GNAZ: variants seen among roughly 807,000 people sequenced by gnomAD.
GNAZ encodes the protein G protein subunit alpha z.
In GNAZ, 3 loss-of-function variants were observed where a neutral mutation model predicts 25.4. That is an observed-to-expected ratio of 0.12 (90% CI 0.05 to 0.30). GNAZ has a LOEUF of 0.30. Among genes scored for constraint, GNAZ ranks in the 10% least tolerant of loss-of-function variants. The probability of loss-of-function intolerance (pLI) is 1.00; values close to 1 mark genes in which losing one functional copy is unlikely to be tolerated. For missense variants in GNAZ, 241 were observed against 501.8 expected, an observed-to-expected ratio of 0.48 and a Z score of 4.97; for synonymous variants, 211 against 205.7, an observed-to-expected ratio of 1.03 and a Z score of -0.22.
chr22:23,083,713 A>G (rs1486582274), intron 1 of GNAZ, among the ~76,000 whole-genome samples: 1 of 152,172 alleles, frequency 6.6e-6, no homozygotes, highest in African/African-American at 2.4e-5. Context: ...AGGAGCCGGC[A>G]GCCCTGAGGC....
intron 1 of GNAZ, among the ~76,000 whole-genome samples, chr22:23,084,354 C>A (rs2068759700): frequency 6.6e-6 from 1 of 152,182 alleles, no homozygotes; most frequent in Admixed American, 6.5e-5. Flanking sequence ...GGGTTAGATT[C>A]TTTTGTCTAC....
intron 2 of GNAZ, among the ~76,000 whole-genome samples, chr22:23,117,585 A>T (rs556948509): frequency 5.0e-4 from 76 of 152,326 alleles, no homozygotes; most frequent in African/African-American, 1.7e-3. Flanking sequence ...CCCAGTGCCA[A>T]GGCGAATCAC....
intron 1 of GNAZ, among the ~76,000 whole-genome samples, chr22:23,076,245 C>T (rs999856684): frequency 6.6e-6 from 1 of 152,232 alleles, no homozygotes; most frequent in Non-Finnish European, 1.5e-5. Flanking sequence ...GCGTGACCTG[C>T]TCCCTATTTG....
At chr22:23,081,257 G>A (rs148297960) in intron 1 of GNAZ, among the ~76,000 whole-genome samples, 6 of 152,276 alleles carry the variant, frequency 3.9e-5, no homozygotes, top group East Asian at 1.9e-4. Flanking sequence ...GAGATGTCAC[G>A]CAAGGTGTGC....
At chr22:23,086,219 G>C (rs1192383711) in intron 1 of GNAZ, among the ~76,000 whole-genome samples, 4 of 152,364 alleles carry the variant, frequency 2.6e-5, no homozygotes, top group East Asian at 3.8e-4. Context: ...GGCCAGGTTA[G>C]GCAGGCTGCA....
chr22:23,113,095 G>A (rs568744747), intron 2 of GNAZ, among the ~76,000 whole-genome samples: 36 of 152,266 alleles, frequency 2.4e-4, no homozygotes, highest in African/African-American at 8.4e-4. Context: ...CTGCCCCTGC[G>A]GCTGACCCTG....
chr22:23,113,164 C>A (rs1006324606), intron 2 of GNAZ, among the ~76,000 whole-genome samples: 3 of 152,202 alleles, frequency 2.0e-5, no homozygotes, highest in African/African-American at 7.2e-5. Context: ...GGCTGCAACT[C>A]CCCTGGGAAG....
In GNAZ at chr22:23,071,018, C is replaced by A. The variant is rs1480444690; in HGVS notation, c.-450+448C>A. The stretch of plus-strand genomic sequence containing the variant: ...CGGCCGGAGCCGATGCAGGGCCTTG[C>A]CTGAAACCGAGGAGAGGGCCCCAGA... On this transcript the variant is annotated intron_variant, in intron 1 of 2. Transcript: ENST00000615612. This position sits in a 1 kb window ranked among gnomAD's most constrained non-coding sequence, Gnocchi z 4.1. Among the ~76,000 whole-genome samples the A allele has an allele frequency of 6.6e-6, 1 of 152,156 alleles. No individual in the cohort carries two copies. The highest frequency in any genetic ancestry group is 1.5e-5 in the Non-Finnish European group (1 of 67,990).
chr22:23,084,830 G>A (rs2068773631), intron 1 of GNAZ, among the ~76,000 whole-genome samples: 1 of 152,222 alleles, frequency 6.6e-6, no homozygotes, highest in Non-Finnish European at 1.5e-5. Flanking sequence ...ATGAGTGTGG[G>A]CGTGGACACC....
At chr22:23,119,430 C>T (rs887982820) in intron 2 of GNAZ, among the ~76,000 whole-genome samples, 3 of 152,232 alleles carry the variant, frequency 2.0e-5, no homozygotes, top group African/African-American at 4.8e-5. Context: ...TTCAGCCTCC[C>T]GCTCTGTCTT....
Position 23,096,224 on chromosome 22 carries a change from C to T in GNAZ, c.529C>T (p.Arg177Cys), listed in dbSNP as rs2069119286. 2 of 1,613,830 alleles carry T rather than the reference C, an allele frequency of 1.2e-6. No individual in the cohort carries two copies. The highest frequency in any genetic ancestry group is 1.1e-5 in the South Asian group (1 of 91,082). ...DYIPTVEDIL[R>C]SRDMTTGIVE... ...TATCCCCACTGTCGAGGACATCCTG[C>T]GCTCCCGGGACATGACCACGGGCAT... is the stretch of plus-strand genomic sequence containing the variant. Residue 177 changes from arginine to cysteine, a missense_variant, in exon 2 of 3, where the codon CGC (arginine) becomes TGC (cysteine). Transcript: ENST00000615612.
rs549325469 is a variant in GNAZ, at chr22:23,111,381, G to A, written c.724-11706G>A. Among the ~76,000 whole-genome samples, 76 of 152,316 alleles carry A rather than the reference G, an allele frequency of 5.0e-4. No homozygotes were observed. In the South Asian group the frequency reaches 0.015, roughly 30 times the overall value. ...AGGCAAGCGCACTGGACTCGGTTCC[G>A]CCTAGTGGCAAAGAGGCCCAGAAAA... is the stretch of plus-strand genomic sequence containing the variant. On this transcript the variant is annotated intron_variant, in intron 2 of 2. Transcript: ENST00000615612.
chr22:23,113,568 T>C (rs571397966), intron 2 of GNAZ, among the ~76,000 whole-genome samples: 1 of 152,238 alleles, frequency 6.6e-6, no homozygotes, highest in Non-Finnish European at 1.5e-5. Context: ...GCTATTTCCT[T>C]TGCGACTGAT....
chr22:23,073,570 C>T (rs902747736), intron 1 of GNAZ, among the ~76,000 whole-genome samples: 1 of 152,208 alleles, frequency 6.6e-6, no homozygotes, highest in Non-Finnish European at 1.5e-5. Flanking sequence ...CCTGCCCTGT[C>T]CCCACACCAG....
At chr22:23,104,013 C>T (rs922841773) in intron 2 of GNAZ, among the ~76,000 whole-genome samples, 12 of 152,142 alleles carry the variant, frequency 7.9e-5, no homozygotes, top group Admixed American at 4.6e-4. Context: ...GCAGGAGAGA[C>T]GGGGGCCTAG....
At chr22:23,086,139 T>C (rs1437799587) in intron 1 of GNAZ, among the ~76,000 whole-genome samples, 1 of 152,248 alleles carries the variant, frequency 6.6e-6, no homozygotes, top group Non-Finnish European at 1.5e-5. Context: ...TGAAGTACAT[T>C]TTTTAAGTAA....
chr22:23,111,053 G>C (rs1288661638), intron 2 of GNAZ, among the ~76,000 whole-genome samples: 6 of 152,228 alleles, frequency 3.9e-5, no homozygotes, highest in Non-Finnish European at 8.8e-5. Context: ...TGGGATTCCA[G>C]CAGGCGATCA....
At position 23,096,037 on chromosome 22, in the gene GNAZ, T is replaced by G. The variant is rs140611510; in HGVS notation, c.342T>G (p.Ala114=). Reference sequence around the variant, plus strand: ...AGCTCTTTGCGCTGACGGGCCCCGCTGAGAGCAAGGGCGAGATCACACCCG... The same window carrying G: ...AGCTCTTTGCGCTGACGGGCCCCGCGGAGAGCAAGGGCGAGATCACACCCG... ...AVQLFALTGP[A]ESKGEITPEL... is the part of the protein sequence containing the mutation. The change falls in exon 2 of 3, where the codon GCT becomes GCG. Residue 114 remains alanine, a synonymous_variant. Transcript: ENST00000615612. 1,830 of 1,606,940 alleles carry G rather than the reference T, an allele frequency of 1.1e-3. 20 individuals are homozygous for G. Among genetic ancestry groups the G allele is most frequent in the Non-Finnish European group, 4.7e-4 (550 of 1,179,932 alleles).
chr22:23,114,131 T>C (rs569631429), intron 2 of GNAZ, among the ~76,000 whole-genome samples: 1 of 152,176 alleles, frequency 6.6e-6, no homozygotes, highest in African/African-American at 2.4e-5. Flanking sequence ...TGGTACTCGG[T>C]GGCCCTGGTC....
Sources: allele counts gnomAD v4.1 joint callset (sites outside exome capture counted in the v4.1 genomes callset), GRCh38; gene constraint gnomAD v4.1.1; non-coding constraint Gnocchi (gnomAD v3.1); transcripts MANE v1.5; gene names NCBI Gene and HGNC (gene_info 2026-07-23, HGNC 2026-07-21).